The following SVIL variants were observed in gnomAD, a reference collection of about 807,000 sequenced individuals.
SVIL encodes the protein supervillin.
A neutral mutation model predicts 240.4 loss-of-function variants in SVIL; 101 were observed. The ratio of observed to expected loss-of-function variants is 0.42; its 90% CI spans 0.36 to 0.50. SVIL has a LOEUF of 0.50. Among genes scored for constraint, SVIL ranks in the 20% least tolerant of loss-of-function variants. The pLI, the probability that SVIL is intolerant of heterozygous loss-of-function variation, is 0.01. For missense variants in SVIL, 2,512 were observed against 2,818.7 expected, an observed-to-expected ratio of 0.89 and a Z score of 2.46; for synonymous variants, 999 against 1,100.0, an observed-to-expected ratio of 0.91 and a Z score of 1.82.
intron 29 of SVIL, among the ~76,000 whole-genome samples, chr10:29,477,023 C>T (rs937719507): frequency 2.6e-5 from 4 of 152,204 alleles, no homozygotes; most frequent in African/African-American, 7.2e-5. Flanking sequence ...CCACTATGCC[C>T]AGCTAACTTT....
intron 1 of SVIL, among the ~76,000 whole-genome samples, chr10:29,624,294 C>T (rs1201473521): frequency 3.3e-5 from 5 of 152,062 alleles, no homozygotes; most frequent in Non-Finnish European, 7.4e-5. Context: ...TCCCAACCCT[C>T]TGGGAGGCCG....
At chr10:29,693,950 T>A (rs1290122797) in intron 1 of SVIL, among the ~76,000 whole-genome samples, 1 of 151,992 alleles carries the variant, frequency 6.6e-6, no homozygotes, top group Admixed American at 6.6e-5. Context: ...TATACATACA[T>A]ACATACATAC....
At chr10:29,631,207 A>C (rs1192144454) in intron 1 of SVIL, among the ~76,000 whole-genome samples, 1 of 152,240 alleles carries the variant, frequency 6.6e-6, no homozygotes, top group Non-Finnish European at 1.5e-5. Flanking sequence ...GCATGTAAGC[A>C]GTGAGGAACG....
intron 9 of SVIL, 110 bp downstream of exon 9, chr10:29,531,892 T>A: frequency 1.6e-6 from 2 of 1,267,638 alleles, no homozygotes; most frequent in South Asian, 2.9e-5. Context: ...ATGGAACAAT[T>A]ATGGAATCGC....
intron 1 of SVIL, among the ~76,000 whole-genome samples, chr10:29,606,865 C>T (rs1957046040): frequency 6.6e-6 from 1 of 152,184 alleles, no homozygotes; most frequent in Admixed American, 6.5e-5. Flanking sequence ...AGCAGTTCTC[C>T]TGCCTCAGCC....
At chr10:29,644,119 G>A (rs888537964) in intron 3 of SVIL, 3 of 445,922 alleles carry the variant, frequency 6.7e-6, no homozygotes, top group Middle Eastern at 3.4e-4. Context: ...CTCACTGCAC[G>A]AACAGAACCA....
intron 3 of SVIL, among the ~76,000 whole-genome samples, chr10:29,561,088 T>C (rs1193179804): frequency 1.3e-5 from 2 of 150,636 alleles, no homozygotes; most frequent in Non-Finnish European, 3.0e-5. Flanking sequence ...CCCAAAGTGC[T>C]GGGATTACAG....
chr10:29,716,116 C>G (rs1256749582), intron 1 of SVIL, among the ~76,000 whole-genome samples: 1 of 152,158 alleles, frequency 6.6e-6, no homozygotes, highest in Non-Finnish European at 1.5e-5. Context: ...CACTGATCTA[C>G]TTGGTGTCAA....
intron 1 of SVIL, among the ~76,000 whole-genome samples, chr10:29,618,324 A>G (rs1390435164): frequency 6.6e-6 from 1 of 152,216 alleles, no homozygotes; most frequent in Non-Finnish European, 1.5e-5. Flanking sequence ...ATGTCCATAA[A>G]GCTGTGGAAA....
At chr10:29,538,620 T>C (rs970826400) in intron 6 of SVIL, among the ~76,000 whole-genome samples, 1 of 152,254 alleles carries the variant, frequency 6.6e-6, no homozygotes, top group Non-Finnish European at 1.5e-5. Flanking sequence ...CCACCAGCCA[T>C]ACAACCATGA....
chr10:29,661,170 GA>G (rs560631781), intron 2 of SVIL, among the ~76,000 whole-genome samples: 3,002 of 118,178 alleles, frequency 0.025, 85 homozygotes, highest in African/African-American at 0.078. Context: ...CGTCTCACAA[GA>G]AAAAAAAAAA....
intron 3 of SVIL, among the ~76,000 whole-genome samples, chr10:29,646,152 C>T (rs893164980): frequency 2.0e-5 from 3 of 152,138 alleles, no homozygotes; most frequent in East Asian, 3.9e-4. Context: ...TGCGTATGCT[C>T]CAGGGAAAAT....
At chr10:29,512,468 CT>C (rs1949907119) in intron 17 of SVIL, among the ~76,000 whole-genome samples, 1 of 152,142 alleles carries the variant, frequency 6.6e-6, no homozygotes. Flanking sequence ...GGTTTTTAAA[CT>C]GAAGAAAAAG....
chr10:29,512,267 C>G lies in SVIL; in HGVS notation c.3516+468G>C, dbSNP rs1050267634. 1.1e-4 allele frequency among the ~76,000 whole-genome samples: 16 copies of G among 152,342 alleles called. 1 individual carries two copies. Among genetic ancestry groups the G allele is most frequent in the African/African-American group, 3.6e-4 (15 of 41,582 alleles). On this transcript the variant is annotated intron_variant, in intron 17 of 37. Coordinates refer to ENST00000355867, the MANE Select transcript of SVIL (RefSeq NM_021738.3). ...ATAAAAGGCATAGCTACTCATGAAACACGCTTAAATGATGAACTAAATACT... is the reference window on the plus strand; with the variant it reads ...ATAAAAGGCATAGCTACTCATGAAAGACGCTTAAATGATGAACTAAATACT...
chr10:29,724,084 T>C (rs1308577248), intron 1 of SVIL, among the ~76,000 whole-genome samples: 1 of 152,108 alleles, frequency 6.6e-6, no homozygotes, highest in Non-Finnish European at 1.5e-5. Flanking sequence ...AGATAAAGGA[T>C]GCTACTATTT....
chr10:29,463,939 G>T (rs1944574600), intron 34 of SVIL, among the ~76,000 whole-genome samples: 1 of 152,212 alleles, frequency 6.6e-6, no homozygotes, highest in South Asian at 2.1e-4. Flanking sequence ...GGCCCTTCTG[G>T]ATACTGGCAG....
At chr10:29,563,713 ATTATGTTAAAG>A (rs148026204) in intron 2 of SVIL, among the ~76,000 whole-genome samples, 65,323 of 151,554 alleles carry the variant, frequency 0.43, 14,098 homozygotes, top group African/African-American at 0.47. Flanking sequence ...CAGTGTTAAA[ATTATGTTAAAG>A]TAACAGATGC....
At chr10:29,654,230 A>G (rs1230693639) in intron 3 of SVIL, among the ~76,000 whole-genome samples, 2 of 152,078 alleles carry the variant, frequency 1.3e-5, no homozygotes, top group Non-Finnish European at 2.9e-5. Flanking sequence ...GATGTTTTAT[A>G]GTTTTAAGGT....
At chr10:29,472,997 G>A (rs917378217) in intron 30 of SVIL, among the ~76,000 whole-genome samples, 1 of 152,154 alleles carries the variant, frequency 6.6e-6, no homozygotes, top group Non-Finnish European at 1.5e-5. Flanking sequence ...GCTGTACACA[G>A]GGGTACATAC....
Sources: gnomAD v4.1 joint callset for allele counts (sites outside exome capture counted in the v4.1 genomes callset) on GRCh38, gnomAD v4.1.1 for gene constraint, MANE v1.5 for transcripts, NCBI Gene and HGNC (gene_info 2026-07-23, HGNC 2026-07-21) for gene names.